Variants in ARK2C observed in about 807,000 individuals in gnomAD.
The protein encoded by ARK2C is E3 ubiquitin-protein ligase ARK2C.
the ARK2C span, chr18:46,433,242 C>A: frequency 6.2e-7 from 1 of 1,606,888 alleles, no homozygotes; most frequent in Non-Finnish European, 8.5e-7. Context: ...GCCGCCACTT[C>A]CACCTGGGCC....
chr18:46,352,431 C>T, the ARK2C span, among the ~76,000 whole-genome samples: 1 of 152,174 alleles, frequency 6.6e-6, no homozygotes, highest in South Asian at 2.1e-4. Flanking sequence ...ATGTCCCAGC[C>T]TAGTGGAGTA....
the ARK2C span, chr18:46,336,412 G>A: frequency 3.0e-6 from 3 of 985,088 alleles, no homozygotes; most frequent in Non-Finnish European, 3.6e-6. Flanking sequence ...CACAAATTCT[G>A]CCCATCAGTT....
chr18:46,407,305 C>T, the ARK2C span, among the ~76,000 whole-genome samples: 2 of 152,156 alleles, frequency 1.3e-5, no homozygotes, highest in African/African-American at 2.4e-5. Context: ...GATTCTTCTT[C>T]TCCTCCTAAC....
At chr18:46,410,983 G>C in the ARK2C span, among the ~76,000 whole-genome samples, 1 of 152,216 alleles carries the variant, frequency 6.6e-6, no homozygotes, top group Non-Finnish European at 1.5e-5. Flanking sequence ...GATGCCCAAG[G>C]CTCTGTCTCC....
At chr18:46,368,018 A>T in the ARK2C span, among the ~76,000 whole-genome samples, 5 of 152,208 alleles carry the variant, frequency 3.3e-5, no homozygotes, top group African/African-American at 1.2e-4. Flanking sequence ...CTTGTTAAAC[A>T]TGCAGATTCC....
the ARK2C span, among the ~76,000 whole-genome samples, chr18:46,426,677 T>C: frequency 2.0e-5 from 3 of 152,228 alleles, no homozygotes; most frequent in Non-Finnish European, 4.4e-5. Context: ...GAAATGAATG[T>C]GTGTCTTACC....
the ARK2C span, among the ~76,000 whole-genome samples, chr18:46,397,690 A>T: frequency 1.7e-5 from 2 of 115,458 alleles, no homozygotes; most frequent in African/African-American, 6.9e-5. Context: ...GTGTGTGGTT[A>T]TGCTGGGGTG....
chr18:46,413,556 C>T, the ARK2C span, among the ~76,000 whole-genome samples: 2 of 152,008 alleles, frequency 1.3e-5, no homozygotes, highest in Non-Finnish European at 2.9e-5. Context: ...CTTTGAGTCT[C>T]AGTTTACTTA....
the ARK2C span, among the ~76,000 whole-genome samples, chr18:46,339,103 C>T: frequency 3.0e-4 from 45 of 152,172 alleles, no homozygotes; most frequent in Non-Finnish European, 6.0e-4. Context: ...GTAGTTTGTG[C>T]AAGAGGAGAG....
the ARK2C span, chr18:46,433,454 T>C: frequency 1.2e-6 from 2 of 1,612,762 alleles, no homozygotes; most frequent in Non-Finnish European, 1.7e-6. Flanking sequence ...CAATACCTCC[T>C]GCAGCAGCAG....
the ARK2C span, chr18:46,450,347 C>T: frequency 6.2e-7 from 1 of 1,614,168 alleles, no homozygotes; most frequent in Non-Finnish European, 8.5e-7. Context: ...CTTCCTTGCT[C>T]TCCAGGGACT....
At chr18:46,347,064 G>A in the ARK2C span, among the ~76,000 whole-genome samples, 1 of 152,162 alleles carries the variant, frequency 6.6e-6, no homozygotes, top group African/African-American at 2.4e-5. Context: ...CACGGGATGG[G>A]GAGAGGTCAC....
chr18:46,356,471 T>C, the ARK2C span, among the ~76,000 whole-genome samples: 1 of 152,228 alleles, frequency 6.6e-6, no homozygotes, highest in South Asian at 2.1e-4. Flanking sequence ...GTGTGATATT[T>C]ACCAGAGCCC....
At chr18:46,428,009 A>C in the ARK2C span, among the ~76,000 whole-genome samples, 3 of 152,198 alleles carry the variant, frequency 2.0e-5, no homozygotes, top group Non-Finnish European at 2.9e-5. Context: ...TGGACCTCCT[A>C]ATGAGTCTCC....
At chr18:46,337,499 C>T in the ARK2C span, 2 of 985,372 alleles carry the variant, frequency 2.0e-6, no homozygotes, top group Non-Finnish European at 2.4e-6. Flanking sequence ...GGGCCATCTG[C>T]TCATTGTACG....
chr18:46,379,059 T>C, the ARK2C span, among the ~76,000 whole-genome samples: 17 of 152,168 alleles, frequency 1.1e-4, no homozygotes, highest in African/African-American at 4.1e-4. Flanking sequence ...CAGCATCTGT[T>C]CCTCAGAGTG....
chr18:46,359,778 C>T, the ARK2C span, among the ~76,000 whole-genome samples: 35 of 152,204 alleles, frequency 2.3e-4, no homozygotes, highest in Non-Finnish European at 4.0e-4. Context: ...CAAAGTCATA[C>T]ATGGCCCAAG....
At chr18:46,363,265 A>G in the ARK2C span, among the ~76,000 whole-genome samples, 1 of 152,234 alleles carries the variant, frequency 6.6e-6, no homozygotes, top group Non-Finnish European at 1.5e-5. Context: ...GAAGATGAGC[A>G]GCACTCTTAA....
the ARK2C span, among the ~76,000 whole-genome samples, chr18:46,378,136 C>G: frequency 1.3e-5 from 2 of 152,176 alleles, no homozygotes; most frequent in African/African-American, 4.8e-5. Flanking sequence ...AATGCAGGTT[C>G]CATTAATGCT....
Sources: gnomAD v4.1 joint callset for allele counts (sites outside exome capture counted in the v4.1 genomes callset) on GRCh38, gnomAD v4.1.1 for gene constraint, MANE v1.5 for transcripts, NCBI Gene and HGNC (gene_info 2026-07-23, HGNC 2026-07-21) for gene names.